PPP2R1A: variants seen among roughly 807,000 people sequenced by gnomAD.
PPP2R1A encodes serine/threonine-protein phosphatase 2A 65 kDa regulatory subunit A alpha isoform.
PPP2R1A carries 15 observed loss-of-function variants against 67.1 expected under a neutral mutation model. The ratio of observed to expected loss-of-function variants is 0.22; its 90% confidence interval spans 0.15 to 0.34. The LOEUF is 0.34. Ranked by LOEUF, PPP2R1A falls within the 10% of genes least tolerant of loss-of-function variation. The pLI, the probability that PPP2R1A is intolerant of heterozygous loss-of-function variation, is 1.00. For missense variants in PPP2R1A, 369 were observed against 775.0 expected (o/e 0.48, Z 6.22); for synonymous variants, 337 against 325.0 (o/e 1.04, Z -0.40).
rs1471965110 is a variant in PPP2R1A, at chr19:52,220,910, A to G, written c.1364-69A>G. On this transcript the variant is annotated intron_variant, in intron 11 of 14. Coordinates refer to ENST00000322088, the MANE Select transcript of PPP2R1A (RefSeq NM_014225.6). ...TGCTTTGTAAGCCATGGTGAGTGTG[A>G]CCTACATTTTGCCCACATCAGTTCT... The G allele has an allele frequency of 3.2e-6, 5 of 1,549,704 alleles. No individual in the cohort carries two copies. The African/African-American group carries it at 6.8e-5, about 21-fold the overall frequency.
intron 1 of PPP2R1A, among the ~76,000 whole-genome samples, chr19:52,195,123 A>G (rs1237707490): frequency 6.6e-6 from 1 of 152,182 alleles, no homozygotes; most frequent in Non-Finnish European, 1.5e-5. Context: ...CATTCATATT[A>G]TGGAAGGCTC....
At chr19:52,222,519 T>C (rs1324923361) in intron 13 of PPP2R1A, 2 of 293,316 alleles carry the variant, frequency 6.8e-6, no homozygotes, top group African/African-American at 2.2e-5. Context: ...TAAGTATGTG[T>C]ATAATTTATA....
Position 52,212,548 on chromosome 19 carries a change from G to A in PPP2R1A, c.504-138G>A. 1 of 1,036,646 alleles carries A rather than the reference G, an allele frequency of 9.6e-7. No homozygotes were observed. The highest frequency in any genetic ancestry group is 1.4e-6 in the Non-Finnish European group (1 of 722,352). The allele number at this position is 1,036,646 out of a possible 1,614,324, so 64.2% of individuals were successfully genotyped here. On this transcript the variant is annotated intron_variant, in intron 4 of 14. Coordinates refer to ENST00000322088, the MANE Select transcript of PPP2R1A (RefSeq NM_014225.6). The surrounding 1 kb of genome is among the most constrained non-coding windows in gnomAD (Gnocchi z 4.1). ...GTTACTATCAGCTCCGTTTCATAGG[G>A]CTGGGAAGACAGAGAGGGGGTCATC...
intron 6 of PPP2R1A, among the ~76,000 whole-genome samples, chr19:52,214,479 G>A (rs1289155104): frequency 6.6e-6 from 1 of 152,120 alleles, no homozygotes; most frequent in Non-Finnish European, 1.5e-5. Context: ...ATTCCATGAG[G>A]GCAGGAATTT....
chr19:52,212,174 C>T lies in PPP2R1A; in HGVS notation c.504-512C>T, dbSNP rs1234130776. 6.6e-6 allele frequency among the ~76,000 whole-genome samples: 1 copy of T among 152,240 alleles called. No homozygotes were observed. Among genetic ancestry groups the T allele is most frequent in the Non-Finnish European group, 1.5e-5 (1 of 68,040 alleles). ...AGTCATAGCCCACTGCAGCCTCAAC[C>T]TCCTGGGCTCAAGCATTCCTCCTGC... On this transcript the variant is annotated intron_variant, in intron 4 of 14. Coordinates refer to ENST00000322088, the MANE Select transcript of PPP2R1A (RefSeq NM_014225.6). This position sits in a 1 kb window ranked among gnomAD's most constrained non-coding sequence, Gnocchi z 4.1.
chr19:52,190,054 C>T lies in PPP2R1A; in HGVS notation c.-43C>T, dbSNP rs2122267272. 2 of 1,493,402 alleles carry T rather than the reference C, an allele frequency of 1.3e-6. No individual in the cohort carries two copies. Among genetic ancestry groups the T allele is most frequent in the South Asian group, 1.2e-5 (1 of 81,922 alleles). 92.5% of individuals were successfully genotyped at this position (1,493,402 alleles called of 1,614,324 possible). A position where few individuals can be genotyped will look rare whatever the true frequency, so the allele number is the denominator to read the frequency against. On this transcript the variant is annotated 5_prime_UTR_variant, in exon 1 of 15. Coordinates refer to ENST00000322088, the MANE Select transcript of PPP2R1A (RefSeq NM_014225.6). ...CAGCATTGCCCCCCCCACGTTTCAG[C>T]ACAGCGCTGGCCGCAGTCTGACAGG...
intron 1 of PPP2R1A, among the ~76,000 whole-genome samples, chr19:52,198,199 C>G (rs997784186): frequency 5.3e-5 from 8 of 152,210 alleles, no homozygotes; most frequent in Non-Finnish European, 1.2e-4. Flanking sequence ...GCCCAAGATT[C>G]CACAGCTAAT....
At chr19:52,202,244 G>A (rs2089556816) in intron 2 of PPP2R1A, among the ~76,000 whole-genome samples, 1 of 151,932 alleles carries the variant, frequency 6.6e-6, no homozygotes, top group South Asian at 2.1e-4. Context: ...AAGGGATCTA[G>A]AAGCAGGTAG....
intron 1 of PPP2R1A, among the ~76,000 whole-genome samples, chr19:52,194,088 C>CAAAAAAAAAAAAAAAAAAAAAAAAAAA (rs915576804): frequency 2.5e-4 from 15 of 60,510 alleles, no homozygotes; most frequent in Admixed American, 4.0e-4. Context: ...ACCCTGTCTC[C>CAAAAAAAAAAAAAAAAAAAAAAAAAAA]AAAAAAAAAA....
intron 3 of PPP2R1A, among the ~76,000 whole-genome samples, chr19:52,209,705 C>G (rs970448777): frequency 6.6e-6 from 1 of 152,106 alleles, no homozygotes; most frequent in African/African-American, 2.4e-5. Context: ...TGGCAGCCAC[C>G]GTAGGAGTTT....
chr19:52,224,949 C>T (rs1021550442), intron 13 of PPP2R1A, among the ~76,000 whole-genome samples: 1 of 151,794 alleles, frequency 6.6e-6, no homozygotes, highest in Non-Finnish European at 1.5e-5. Flanking sequence ...GGTCTGCCCA[C>T]CTTGGCGTCC....
In PPP2R1A at chr19:52,206,033, G is replaced by C. The variant is rs973132169; in HGVS notation, c.240G>C (p.Val80=). 6 of 1,614,126 alleles carry C rather than the reference G, an allele frequency of 3.7e-6. No homozygotes were observed. The highest frequency in any genetic ancestry group is 5.1e-6 in the Non-Finnish European group (6 of 1,179,976). ...AGCTGGGAACCTTCACTACCCTGGT[G>C]GGAGGCCCAGAGTACGTGCACTGCC... ...AEQLGTFTTL[V]GGPEYVHCLL... The change falls in exon 3 of 15, where the codon GTG becomes GTC. Residue 80 remains valine (V), a synonymous_variant. Coordinates refer to ENST00000322088, the MANE Select transcript of PPP2R1A (RefSeq NM_014225.6).
chr19:52,192,399 C>A (rs2089462546), intron 1 of PPP2R1A, among the ~76,000 whole-genome samples: 1 of 151,970 alleles, frequency 6.6e-6, no homozygotes, highest in Non-Finnish European at 1.5e-5. Flanking sequence ...CCTCCACCTC[C>A]CGGGTTCAAG....
At chr19:52,215,937 A>G (rs755531) in intron 7 of PPP2R1A, 44 bp downstream of exon 7, 191,409 of 1,610,968 alleles carry the variant, frequency 0.12, 12,891 homozygotes, top group African/African-American at 0.29. Context: ...GTGGGTATCC[A>G]AGGGGCTGGA....
intron 3 of PPP2R1A, among the ~76,000 whole-genome samples, chr19:52,206,935 G>A (rs2089609680): frequency 6.6e-6 from 1 of 151,838 alleles, no homozygotes; most frequent in South Asian, 2.1e-4. Flanking sequence ...AGTTGATGGT[G>A]TATTAGTTAG....
chr19:52,195,596 C>A (rs1418902770), intron 1 of PPP2R1A, among the ~76,000 whole-genome samples: 1 of 152,206 alleles, frequency 6.6e-6, no homozygotes, highest in Non-Finnish European at 1.5e-5. Context: ...TTCTGATCTA[C>A]CTGCTTCAAG....
chr19:52,208,592 C>T (rs915168869), intron 3 of PPP2R1A, among the ~76,000 whole-genome samples: 4 of 152,108 alleles, frequency 2.6e-5, no homozygotes, highest in Admixed American at 6.6e-5. Context: ...CTCTGCCTCC[C>T]GGGTTCAAGT....
At chr19:52,221,176 G>T in intron 12 of PPP2R1A, 43 bp downstream of exon 12, 1 of 1,611,156 alleles carries the variant, frequency 6.2e-7, no homozygotes, top group South Asian at 1.1e-5. Context: ...TAGGGAACTG[G>T]AGCGCGTGGG....
Position 52,227,864 on chromosome 19 carries a change from G to T in PPP2R1A, c.*1883G>T, listed in dbSNP as rs1172785745. The T allele has an allele frequency of 6.6e-6, 1 of 152,162 alleles. No homozygotes were observed. The highest frequency in any genetic ancestry group is 2.4e-5 in the African/African-American group (1 of 41,410). 9.4% of individuals were successfully genotyped at this position (152,162 alleles called of 1,614,324 possible). ...TTTGACTTTCCCCATGGTTAACGCT[G>T]CTGGTCCATTGTAACAAGAGTGCAG... On this transcript the variant is annotated 3_prime_UTR_variant, in exon 15 of 15. Transcript: ENST00000322088.
Sources: gnomAD v4.1 joint callset for allele counts (sites outside exome capture counted in the v4.1 genomes callset) on GRCh38, gnomAD v4.1.1 for gene constraint, Gnocchi (gnomAD v3.1) non-coding constraint, MANE v1.5 for transcripts, NCBI Gene and HGNC (gene_info 2026-07-23, HGNC 2026-07-21) for gene names.